TOPBP1: variants seen among roughly 807,000 people sequenced by gnomAD.
TOPBP1 encodes the protein DNA topoisomerase II binding protein 1.
TOPBP1 carries 28 observed loss-of-function variants against 167.7 expected under a neutral mutation model. The ratio of observed to expected loss-of-function variants is 0.17; its 90% CI spans 0.12 to 0.23. The LOEUF (loss-of-function observed/expected upper bound fraction) is 0.23, where lower values mean the gene tolerates loss of function less well. Among genes scored for constraint, TOPBP1 ranks in the 10% least tolerant of loss-of-function variants. The pLI is 1.00. For missense variants in TOPBP1, 1,554 were observed against 1,809.6 expected, an observed-to-expected ratio of 0.86 and a Z score of 2.56; for synonymous variants, 598 against 611.4, an observed-to-expected ratio of 0.98 and a Z score of 0.32.
In TOPBP1 at chr3:133,656,818, C is replaced by T. The variant is rs1216078352; in HGVS notation, c.403G>A (p.Val135Ile). The T allele has an allele frequency of 6.2e-7, 1 of 1,602,978 alleles. No homozygotes were observed. Among genetic ancestry groups the T allele is most frequent in the African/African-American group, 1.3e-5 (1 of 74,348 alleles). The change falls in exon 5 of 28, where the codon GTA becomes ATA. Residue 135 changes from valine to isoleucine, a missense_variant. By Grantham distance (29) the Val-to-Ile change is conservative (BLOSUM62 3). Coordinates refer to ENST00000260810, the MANE Select transcript of TOPBP1 (RefSeq NM_007027.4). The part of the protein sequence containing the change: ...HKYVQMMGGR[V>I]YRDLNVSVTH... The stretch of plus-strand genomic sequence containing the variant: ...ACTGATACATTAAGGTCTCTGTATA[C>T]TCGTCCGCCCATCATTTGTACATAT...
intron 12 of TOPBP1, among the ~76,000 whole-genome samples, chr3:133,641,574 C>T (rs995721826): frequency 6.6e-6 from 1 of 152,096 alleles, no homozygotes; most frequent in Non-Finnish European, 1.5e-5. Flanking sequence ...AGTATATTGT[C>T]CAGGCTGGTG....
chr3:133,651,529 T>C (rs1936304944), intron 8 of TOPBP1, among the ~76,000 whole-genome samples: 1 of 152,188 alleles, frequency 6.6e-6, no homozygotes, highest in Non-Finnish European at 1.5e-5. Context: ...GTTAAATTTT[T>C]GCTACTCTGT....
chr3:133,610,919 G>A (rs1934652482), intron 25 of TOPBP1, 85 bp downstream of exon 25: 1 of 1,356,470 alleles, frequency 7.4e-7, no homozygotes, highest in African/African-American at 1.5e-5. Context: ...ATTATTTCCT[G>A]AAGCACATTC....
At chr3:133,659,258 C>A (rs1936595527) in intron 2 of TOPBP1, 108 bp from the exon 3 acceptor site, 1 of 1,160,578 alleles carries the variant, frequency 8.6e-7, no homozygotes, top group African/African-American at 1.6e-5. Context: ...AAGCCACCAT[C>A]ACATCTCACT....
intron 13 of TOPBP1, 147 bp downstream of exon 13, chr3:133,639,812 G>A (rs1935831890): frequency 5.7e-6 from 4 of 701,308 alleles, no homozygotes; most frequent in Non-Finnish European, 7.0e-6. Flanking sequence ...GCTTACATCT[G>A]TAGACTTCGA....
intron 5 of TOPBP1, 61 bp downstream of exon 5, chr3:133,656,615 C>T: frequency 6.7e-7 from 1 of 1,497,380 alleles, no homozygotes; most frequent in South Asian, 1.3e-5. Flanking sequence ...ATATCACATG[C>T]CAAAAATGAT....
chr3:133,659,288 C>T (rs955988656), intron 2 of TOPBP1, 138 bp from the exon 3 acceptor site: 6 of 808,812 alleles, frequency 7.4e-6, no homozygotes, highest in Non-Finnish European at 9.3e-6. Flanking sequence ...GCAGAAGGCT[C>T]CCAAGTGGTC....
At chr3:133,621,469 AAATAT>A (rs1291709570) in intron 19 of TOPBP1, among the ~76,000 whole-genome samples, 5 of 152,352 alleles carry the variant, frequency 3.3e-5, no homozygotes, top group Admixed American at 1.3e-4. Context: ...AAAAAAAATA[AAATAT>A]AACTATTTAC....
At chr3:133,604,932 CA>C (rs1559803771) in intron 27 of TOPBP1, among the ~76,000 whole-genome samples, 1 of 150,936 alleles carries the variant, frequency 6.6e-6, no homozygotes, top group Non-Finnish European at 1.5e-5. Context: ...AATAAAAATA[CA>C]AAAAAAGAAA....
At chr3:133,618,551 A>T in intron 20 of TOPBP1, 118 bp from the exon 21 acceptor site, 2 of 767,298 alleles carry the variant, frequency 2.6e-6, no homozygotes, top group Non-Finnish European at 4.1e-6. Context: ...TCTAGCACAC[A>T]GTATGCATTA....
chr3:133,655,482 T>C lies in TOPBP1; in HGVS notation c.550A>G (p.Ile184Val). The change falls in exon 6 of 28, where the codon ATA (isoleucine) becomes GTA (valine). Residue 184 changes from isoleucine (I) to valine (V), a missense_variant. Coordinates refer to ENST00000260810, the MANE Select transcript of TOPBP1 (RefSeq NM_007027.4). ...TLWEKSQEKK[I>V]TRYTDINMED... ...ATGTTTATATCAGTATATCTAGTTA[T>C]TTTTCTGTGGGAATCAAATGGTTAA... The C allele has an allele frequency of 6.8e-7, 1 of 1,459,958 alleles. No homozygotes were observed. Among genetic ancestry groups the C allele is most frequent in the Non-Finnish European group, 9.1e-7 (1 of 1,097,460 alleles). The allele number at this position is 1,459,958 out of a possible 1,614,324, so 90.4% of individuals were successfully genotyped here.
rs762336907 is a variant in TOPBP1, at chr3:133,649,363, A to G, written c.1504+20T>C. 9 of 1,606,264 alleles carry G rather than the reference A, an allele frequency of 5.6e-6. No individual in the cohort carries two copies. The East Asian group carries it at 1.3e-4, about 24-fold the overall frequency. On this transcript the variant is annotated intron_variant, in intron 10 of 27. Coordinates refer to ENST00000260810, the MANE Select transcript of TOPBP1 (RefSeq NM_007027.4). Reference sequence around the variant, plus strand: ...AAAATATTTCTTACTAACTACAAATACTAATCAAGCATTTCTTACCTACTG... The same window carrying G: ...AAAATATTTCTTACTAACTACAAATGCTAATCAAGCATTTCTTACCTACTG...
Position 133,655,497 on chromosome 3 carries a change from C to A in TOPBP1, c.546-11G>T. Reference sequence around the variant, plus strand: ...TATCTAGTTATTTTTCTGTGGGAATCAAATGGTTAAAAAAGAACATATTAA... The same window carrying A: ...TATCTAGTTATTTTTCTGTGGGAATAAAATGGTTAAAAAAGAACATATTAA... On this transcript the variant is annotated splice_polypyrimidine_tract_variant and intron_variant, in intron 5 of 27. Coordinates refer to ENST00000260810, the MANE Select transcript of TOPBP1 (RefSeq NM_007027.4). The A allele has an allele frequency of 7.3e-7, 1 of 1,371,496 alleles. No homozygotes were observed. The highest frequency in any genetic ancestry group is 9.7e-7 in the Non-Finnish European group (1 of 1,036,100). The allele number at this position is 1,371,496 out of a possible 1,614,324, so 85.0% of individuals were successfully genotyped here. A position where few individuals can be genotyped will look rare whatever the true frequency, so the allele number is the denominator to read the frequency against.
rs757786671 is a variant in TOPBP1, at chr3:133,620,341, G to A, written c.3185C>T (p.Thr1062Ile). The A allele has an allele frequency of 6.2e-7, 1 of 1,612,616 alleles. No homozygotes were observed. ...SGKNDSKGVL[T>I]QTLEMRENFQ... Reference sequence around the variant, plus strand: ...GTTCTCTCTCATCTCTAAGGTCTGTGTCAGAACTTGAAACAAACACAAATA... The same window carrying A: ...GTTCTCTCTCATCTCTAAGGTCTGTATCAGAACTTGAAACAAACACAAATA... Residue 1062 changes from threonine (T) to isoleucine (I), a missense_variant, in exon 20 of 28, where the codon ACA becomes ATA. Thr to Ile is a moderately conservative substitution (Grantham distance 89). Around this residue, in one of 3 missense-constraint regions of TOPBP1, gnomAD observed 1,197 missense variants for 1,351.5 expected, o/e 0.89. Transcript: ENST00000260810.
chr3:133,610,917 C>T, intron 25 of TOPBP1, 87 bp downstream of exon 25: 1 of 1,358,028 alleles, frequency 7.4e-7, no homozygotes, highest in Non-Finnish European at 9.7e-7. Context: ...TCATTATTTC[C>T]TGAAGCACAT....
In TOPBP1 at chr3:133,641,376, T is replaced by C. The variant is rs563072995; in HGVS notation, c.2022-1206A>G. On this transcript the variant is annotated intron_variant, in intron 12 of 27. Coordinates refer to ENST00000260810, the MANE Select transcript of TOPBP1 (RefSeq NM_007027.4). Reference sequence around the variant, plus strand: ...TTCACAAAATATATATTTGTTTGTTTGTTTTCTGAGACAGGGTCTTGCTCT... The same window carrying C: ...TTCACAAAATATATATTTGTTTGTTCGTTTTCTGAGACAGGGTCTTGCTCT... Among the ~76,000 whole-genome samples the C allele has an allele frequency of 2.0e-5, 3 of 152,344 alleles. No individual in the cohort carries two copies. In the East Asian group the frequency reaches 5.8e-4, roughly 29 times the overall value.
In TOPBP1 at chr3:133,640,044, A is replaced by C. The variant is rs758360893; in HGVS notation, c.2148T>G (p.Val716=). 3.7e-6 allele frequency: 6 copies of C among 1,613,908 alleles called. No individual in the cohort carries two copies. In the East Asian group the frequency reaches 1.3e-4, roughly 36 times the overall value. Residue 716 remains valine, a synonymous_variant, in exon 13 of 28, where the codon GTT becomes GTG. Transcript: ENST00000260810. The part of the protein sequence containing the change: ...EAAKKWNLPA[V]TIAWLLETAR... ...CAGTCTCCAACAGCCAAGCTATAGT[A>C]ACGGCAGGTAAATTCCACTTCTTTG...
intron 23 of TOPBP1, 22 bp downstream of exon 23, chr3:133,616,792 G>A: frequency 7.3e-7 from 1 of 1,374,168 alleles, no homozygotes; most frequent in Non-Finnish European, 9.8e-7. Flanking sequence ...GGACATTTTG[G>A]ATTTAAGTAA....
intron 24 of TOPBP1, 36 bp downstream of exon 24, chr3:133,612,352 TA>T: frequency 6.2e-7 from 1 of 1,609,840 alleles, no homozygotes; most frequent in African/African-American, 1.3e-5. Context: ...CACTTGCTTT[TA>T]AAGAAAAATA....
Sources: gnomAD v4.1 joint callset for allele counts (sites outside exome capture counted in the v4.1 genomes callset) on GRCh38, gnomAD v4.1.1 for gene constraint, gnomAD v4.1.1 regional missense constraint, MANE v1.5 for transcripts, NCBI Gene and HGNC (gene_info 2026-07-23, HGNC 2026-07-21) for gene names.